Variants in ZNF385B observed in about 807,000 individuals in gnomAD.
ZNF385B encodes zinc finger protein 385B.
Under a neutral mutation model 39.2 loss-of-function variants are expected in ZNF385B, and 23 were observed. The ratio of observed to expected loss-of-function variants is 0.59; its 90% confidence interval spans 0.42 to 0.83. The LOEUF (loss-of-function observed/expected upper bound fraction) is 0.83. ZNF385B is among the 40% of genes least tolerant of loss of function. The pLI, the probability that ZNF385B is intolerant of heterozygous loss-of-function variation, is 0.00. For missense variants in ZNF385B, 552 were observed against 598.9 expected (o/e 0.92, Z 0.82); for synonymous variants, 205 against 222.6 (o/e 0.92, Z 0.70).
At position 179,781,343 on chromosome 2, in the gene ZNF385B, C is replaced by T. The variant is rs148437871; in HGVS notation, c.-154-10671G>A. On this transcript the variant is annotated intron_variant, in intron 1 of 9. Coordinates refer to ENST00000410066, the MANE Select transcript of ZNF385B (RefSeq NM_152520.6). Reference sequence around the variant, plus strand: ...GAAGAGTCCAAACACACACACACACCGACATACATATATTCACCTGATTTA... The same window carrying T: ...GAAGAGTCCAAACACACACACACACTGACATACATATATTCACCTGATTTA... Among the ~76,000 whole-genome samples, 1,149 of 152,008 alleles carry T rather than the reference C, an allele frequency of 7.6e-3. 7 individuals are homozygous for T. Among genetic ancestry groups the T allele is most frequent in the African/African-American group, 0.025 (1,056 of 41,494 alleles).
intron 1 of ZNF385B, among the ~76,000 whole-genome samples, chr2:179,781,030 CT>C (rs1338403090): frequency 2.0e-5 from 3 of 152,202 alleles, no homozygotes; most frequent in African/African-American, 7.2e-5. Context: ...CTCAAAATTA[CT>C]TTGCATTTTC....
intron 1 of ZNF385B, among the ~76,000 whole-genome samples, chr2:179,837,914 A>G (rs1708336243): frequency 6.6e-6 from 1 of 152,208 alleles, no homozygotes; most frequent in Non-Finnish European, 1.5e-5. Flanking sequence ...ATAACCAAAA[A>G]AATAAGCTGC....
At chr2:179,850,228 T>C (rs1397481524) in intron 1 of ZNF385B, among the ~76,000 whole-genome samples, 1 of 152,130 alleles carries the variant, frequency 6.6e-6, no homozygotes, top group Admixed American at 6.5e-5. Context: ...CTAAAGTCAC[T>C]CCTCAAATTA....
chr2:179,627,300 C>T (rs1187173600), intron 3 of ZNF385B, among the ~76,000 whole-genome samples: 2 of 152,156 alleles, frequency 1.3e-5, no homozygotes, highest in African/African-American at 2.4e-5. Flanking sequence ...AAGAGTTCTT[C>T]TCCCTTCTAT....
chr2:179,448,755 G>A (rs2049775145), intron 6 of ZNF385B, among the ~76,000 whole-genome samples: 1 of 152,100 alleles, frequency 6.6e-6, no homozygotes, highest in South Asian at 2.1e-4. Context: ...TAACTGATCA[G>A]TCTGTGGTAC....
rs769914421 is a variant in ZNF385B at position 179,639,424 on chromosome 2, CA to C, written c.299-94456del. Among the ~76,000 whole-genome samples, 62 of 151,862 alleles carry C rather than the reference CA, an allele frequency of 4.1e-4. No homozygotes were observed. In the East Asian group the frequency reaches 9.7e-3, roughly 24 times the overall value. On this transcript the variant is annotated intron_variant, in intron 3 of 9. Transcript: ENST00000410066. ...GAGTAGACTGTAAATCTTTTCACCA[CA>C]AAAAATAAGTATGTGAGAGTTGATG... is the stretch of plus-strand genomic sequence containing the variant.
intron 1 of ZNF385B, among the ~76,000 whole-genome samples, chr2:179,837,786 T>C (rs1010894962): frequency 6.6e-6 from 1 of 152,234 alleles, no homozygotes; most frequent in African/African-American, 2.4e-5. Context: ...TTTAAAGCTC[T>C]TTATAGTTAT....
chr2:179,497,635 G>A (rs1010181828), intron 5 of ZNF385B, among the ~76,000 whole-genome samples: 2 of 150,462 alleles, frequency 1.3e-5, no homozygotes, highest in African/African-American at 4.9e-5. Flanking sequence ...AACACAAAAA[G>A]GAAAGAAAGA....
chr2:179,492,651 A>G (rs1167598854), intron 5 of ZNF385B, among the ~76,000 whole-genome samples: 2 of 152,034 alleles, frequency 1.3e-5, no homozygotes, highest in Non-Finnish European at 2.9e-5. Flanking sequence ...ATATATGTTT[A>G]ATATATTAGT....
At position 179,627,272 on chromosome 2, in the gene ZNF385B, T is replaced by G. The variant is rs553253931; in HGVS notation, c.299-82303A>C. On this transcript the variant is annotated intron_variant, in intron 3 of 9. Coordinates refer to ENST00000410066, the MANE Select transcript of ZNF385B (RefSeq NM_152520.6). The stretch of plus-strand genomic sequence containing the variant: ...AGCTTCATTCCCTTCATTTGAAACT[T>G]TGAAACTGCCCCAGACCAAGAGTTC... Among the ~76,000 whole-genome samples the G allele has an allele frequency of 4.6e-5, 7 of 152,300 alleles. No individual in the cohort carries two copies. In the South Asian group the frequency reaches 1.2e-3, roughly 27 times the overall value.
chr2:179,563,779 C>G (rs1192763048), intron 3 of ZNF385B, among the ~76,000 whole-genome samples: 1 of 152,110 alleles, frequency 6.6e-6, no homozygotes, highest in African/African-American at 2.4e-5. Flanking sequence ...TAATTATAGT[C>G]ATGGCTGTGG....
At chr2:179,614,731 T>G (rs1489539939) in intron 3 of ZNF385B, among the ~76,000 whole-genome samples, 1 of 152,168 alleles carries the variant, frequency 6.6e-6, no homozygotes, top group Non-Finnish European at 1.5e-5. Flanking sequence ...AGCTTGGTCT[T>G]CCGTCAGGGG....
intron 3 of ZNF385B, among the ~76,000 whole-genome samples, chr2:179,658,193 T>G (rs899383975): frequency 6.6e-6 from 1 of 152,228 alleles, no homozygotes; most frequent in Admixed American, 6.5e-5. Flanking sequence ...TCTCAGGACC[T>G]TGGTAAATGA....
At chr2:179,600,433 T>C (rs1193380381) in intron 3 of ZNF385B, among the ~76,000 whole-genome samples, 3 of 152,174 alleles carry the variant, frequency 2.0e-5, no homozygotes, top group South Asian at 2.1e-4. Flanking sequence ...ATAAAGTGAA[T>C]TACTTCTGCA....
At chr2:179,457,637 T>C (rs999491889) in intron 6 of ZNF385B, among the ~76,000 whole-genome samples, 1 of 152,214 alleles carries the variant, frequency 6.6e-6, no homozygotes, top group Non-Finnish European at 1.5e-5. Flanking sequence ...TAGCTAGTGA[T>C]AATGAGCTCC....
At position 179,718,713 on chromosome 2, in the gene ZNF385B, C is replaced by T. The variant is rs553177988; in HGVS notation, c.298+50790G>A. ...ACATATATCATTTCTTTACAAATTT[C>T]TATTTTCAGCCAAATGTGGTGCCTC... On this transcript the variant is annotated intron_variant, in intron 3 of 9. Transcript: ENST00000410066. Among the ~76,000 whole-genome samples, 21 of 150,440 alleles carry T rather than the reference C, an allele frequency of 1.4e-4. 1 individual carries two copies. Among genetic ancestry groups the T allele is most frequent in the Non-Finnish European group, 2.7e-4 (18 of 67,646 alleles).
At chr2:179,806,065 A>G (rs1265928433) in intron 1 of ZNF385B, among the ~76,000 whole-genome samples, 2 of 152,178 alleles carry the variant, frequency 1.3e-5, no homozygotes, top group African/African-American at 4.8e-5. Context: ...AAGATTGTTA[A>G]ATATAACCAT....
At chr2:179,760,081 C>T (rs1248549651) in intron 3 of ZNF385B, among the ~76,000 whole-genome samples, 2 of 148,774 alleles carry the variant, frequency 1.3e-5, no homozygotes, top group Admixed American at 6.8e-5. Context: ...CGGAGTCTCA[C>T]TCTGTCACCC....
chr2:179,590,685 G>A (rs1687480610), intron 3 of ZNF385B, among the ~76,000 whole-genome samples: 3 of 152,132 alleles, frequency 2.0e-5, no homozygotes, highest in Admixed American at 1.3e-4. Flanking sequence ...CTTGTGGGAG[G>A]TGATTGGATC....
Sources: allele counts gnomAD v4.1 joint callset (sites outside exome capture counted in the v4.1 genomes callset), GRCh38; gene constraint gnomAD v4.1.1; transcripts MANE v1.5; gene names NCBI Gene and HGNC (gene_info 2026-07-23, HGNC 2026-07-21).